The following ADGRV1 variants were observed in gnomAD, a reference collection of about 807,000 sequenced individuals.
The protein encoded by ADGRV1 is adhesion G protein-coupled receptor V1, also known as G-protein coupled receptor 98.
In ADGRV1, 359 loss-of-function variants were observed where a neutral mutation model predicts 596.2. The ratio of observed to expected loss-of-function variants is 0.60; its 90% CI spans 0.55 to 0.66. The LOEUF is 0.66. Ranked by LOEUF, ADGRV1 falls within the 30% of genes least tolerant of loss-of-function variation. The pLI, the probability that ADGRV1 is intolerant of heterozygous loss-of-function variation, is 0.00. For missense variants in ADGRV1, 7,274 were observed against 7,575.6 expected, an observed-to-expected ratio of 0.96 and a Z score of 1.48; for synonymous variants, 2,681 against 2,679.2, an observed-to-expected ratio of 1.00 and a Z score of -0.02.
chr5:90,729,870 A>AT lies in ADGRV1; in HGVS notation c.10549+119dup, dbSNP rs370142714. The AT allele has an allele frequency of 0.061, 55,195 of 908,146 alleles. 164 individuals carry two copies. Among genetic ancestry groups the AT allele is most frequent in the African/African-American group, 0.11 (6,127 of 56,388 alleles). 56.3% of individuals were successfully genotyped at this position (908,146 alleles called of 1,614,324 possible). Reference sequence around the variant, plus strand: ...AGTATCACATTGCCAGACACTGGGTATTTTTTTTTTTTTGGAGATGGGGTC... The same window carrying AT: ...AGTATCACATTGCCAGACACTGGGTATTTTTTTTTTTTTTGGAGATGGGGTC... On this transcript the variant is annotated intron_variant, in intron 50 of 89. Coordinates refer to ENST00000405460, the MANE Select transcript of ADGRV1 (RefSeq NM_032119.4).
chr5:90,615,640 T>C (rs1763270849), intron 2 of ADGRV1, among the ~76,000 whole-genome samples: 1 of 151,830 alleles, frequency 6.6e-6, no homozygotes, highest in Non-Finnish European at 1.5e-5. Context: ...TTTGCAAAAA[T>C]AAAATCTTAA....
intron 34 of ADGRV1, among the ~76,000 whole-genome samples, chr5:90,703,198 C>G (rs1370051660): frequency 1.3e-5 from 2 of 151,980 alleles, no homozygotes; most frequent in African/African-American, 4.8e-5. Context: ...TAAGTTACAA[C>G]TAAAGAAATG....
At chr5:90,638,129 A>G (rs1766474800) in intron 11 of ADGRV1, among the ~76,000 whole-genome samples, 181 bp downstream of exon 11, 1 of 152,000 alleles carries the variant, frequency 6.6e-6, no homozygotes, top group Admixed American at 6.6e-5. Flanking sequence ...GACTATGAGT[A>G]TAATTATATC....
At chr5:90,565,227 A>G (rs1344626133) in intron 1 of ADGRV1, among the ~76,000 whole-genome samples, 1 of 152,038 alleles carries the variant, frequency 6.6e-6, no homozygotes, top group Non-Finnish European at 1.5e-5. Flanking sequence ...ACAAGAGCAA[A>G]ACTCCATCTC....
chr5:91,155,197 TA>T (rs923693158), intron 89 of ADGRV1, among the ~76,000 whole-genome samples: 4 of 152,074 alleles, frequency 2.6e-5, no homozygotes, highest in African/African-American at 9.7e-5. Context: ...TGGAGAGAGT[TA>T]AAAAATGACA....
chr5:90,729,638 G>C lies in ADGRV1; in HGVS notation c.10427-4G>C. 6.3e-7 allele frequency: 1 copy of C among 1,595,632 alleles called. No individual in the cohort carries two copies. The highest frequency in any genetic ancestry group is 8.6e-7 in the Non-Finnish European group (1 of 1,166,696). ...AAGATTTGACTTCTATTTCATTATT[G>C]CAGGAGATCAGAATTCAATTGATAT... On this transcript the variant is annotated splice_region_variant and splice_polypyrimidine_tract_variant and intron_variant, in intron 49 of 89. Transcript: ENST00000405460.
chr5:90,849,454 G>T (rs1342430037), intron 79 of ADGRV1, among the ~76,000 whole-genome samples: 1 of 152,060 alleles, frequency 6.6e-6, no homozygotes, highest in East Asian at 1.9e-4. Flanking sequence ...CAATGGCGGG[G>T]TCTCGGCTCA....
rs759475613 is a variant in ADGRV1, at chr5:90,777,929, G to C, written c.12552G>C (p.Leu4184Phe). ...IISLVRGPGI[L>F]GEVTVFWRIF... ...GCCTTGTTCGAGGCCCAGGGATTTT[G>C]GGGGAGGTCACAGTGTTCTGGAGGA... The change falls in exon 62 of 90, where the codon TTG becomes TTC. Residue 4184 changes from leucine to phenylalanine, a missense_variant. Physicochemically the swap from Leu to Phe is conservative, Grantham distance 22 (BLOSUM62 0). Around this residue, in one of 5 missense-constraint regions of ADGRV1, gnomAD observed 3,643 missense variants for 3,809.2 expected, o/e 0.96. Transcript: ENST00000405460. 3.1e-6 allele frequency: 5 copies of C among 1,611,838 alleles called. No homozygotes were observed. Among genetic ancestry groups the C allele is most frequent in the Admixed American group, 1.7e-5 (1 of 59,882 alleles).
chr5:90,861,123 C>T (rs1227746835), intron 82 of ADGRV1, among the ~76,000 whole-genome samples: 2 of 151,482 alleles, frequency 1.3e-5, no homozygotes, highest in East Asian at 1.9e-4. Flanking sequence ...CTTTTAGAAC[C>T]GAATCTCTAA....
chr5:90,995,223 A>G (rs1453605410), intron 85 of ADGRV1, among the ~76,000 whole-genome samples: 5 of 152,228 alleles, frequency 3.3e-5, no homozygotes, highest in Non-Finnish European at 7.3e-5. Flanking sequence ...TTTAACAAGT[A>G]ACTTCCTGTC....
In ADGRV1 at chr5:90,807,681, C is replaced by G. The variant is rs772180727; in HGVS notation, c.14916C>G (p.Ala4972=). ...TTCCTAGCCCTGGTTGGCCAGAGGC[C>G]TTTGTTCTTCACCTATCAGGAGTGC... ...WTFPSPGWPE[A]FVLHLSGVQS... The change falls in exon 73 of 90, where the codon GCC becomes GCG. Residue 4972 remains alanine, a synonymous_variant. Coordinates refer to ENST00000405460, the MANE Select transcript of ADGRV1 (RefSeq NM_032119.4). 1.3e-5 allele frequency: 21 copies of G among 1,611,802 alleles called. No individual in the cohort carries two copies. In the South Asian group the frequency reaches 2.2e-4, roughly 17 times the overall value.
intron 85 of ADGRV1, among the ~76,000 whole-genome samples, chr5:91,042,407 A>G (rs1267113350): frequency 2.6e-5 from 4 of 152,200 alleles, no homozygotes; most frequent in African/African-American, 9.6e-5. Flanking sequence ...ACATAAGGAG[A>G]CATGCCTACC....
chr5:90,716,527 A>T lies in ADGRV1; in HGVS notation c.9245A>T (p.Glu3082Val). The change falls in exon 43 of 90, where the codon GAG (glutamate) becomes GTG (valine). Residue 3082 changes from glutamate to valine, a missense_variant. Glu to Val is a moderately radical substitution (Grantham distance 121, BLOSUM62 -2). Transcript: ENST00000405460. ...GGAGTTCTATCATTTAACAACAGTG[A>T]GCACTTTTTCCTAAGAGAGCCAACA... ...GPGVLSFNNS[E>V]HFFLREPTAL... is the part of the protein sequence containing the mutation. 1 of 1,612,254 alleles carries T rather than the reference A, an allele frequency of 6.2e-7. No homozygotes were observed. The highest frequency in any genetic ancestry group is 8.5e-7 in the Non-Finnish European group (1 of 1,178,868).
chr5:90,660,608 G>A (rs759522690), intron 21 of ADGRV1, among the ~76,000 whole-genome samples: 3 of 152,092 alleles, frequency 2.0e-5, no homozygotes, highest in Middle Eastern at 3.2e-3. Flanking sequence ...AGTGGCTCAC[G>A]CCTGTAATTC....
rs777120827 is a variant in ADGRV1 at position 90,728,702 on chromosome 5, C to T, written c.10195C>T (p.His3399Tyr). The change falls in exon 49 of 90, where the codon CAT (histidine) becomes TAT (tyrosine). Residue 3399 changes from histidine (H) to tyrosine (Y), a missense_variant. Physicochemically the swap from His to Tyr is moderately conservative, Grantham distance 83. Around this residue, in one of 5 missense-constraint regions of ADGRV1, gnomAD observed 3,643 missense variants for 3,809.2 expected, o/e 0.96. Transcript: ENST00000405460. ...GTGGAATGGAGGAAGCTTCGTGTTGCATCAAAAACTCCCTGTCCGAGGTGT... is the reference window on the plus strand; with the variant it reads ...GTGGAATGGAGGAAGCTTCGTGTTGTATCAAAAACTCCCTGTCCGAGGTGT... ...FRWNGGSFVL[H>Y]QKLPVRGVLT... 24 of 1,612,092 alleles carry T rather than the reference C, an allele frequency of 1.5e-5. No homozygotes were observed. Among genetic ancestry groups the T allele is most frequent in the South Asian group, 7.7e-5 (7 of 90,910 alleles).
rs1170022097 is a variant in ADGRV1, at chr5:90,690,844, G to A, written c.6754G>A (p.Val2252Met). The A allele has an allele frequency of 1.3e-5, 21 of 1,605,664 alleles. 2 individuals carry two copies. The Admixed American group carries it at 3.6e-4, about 28-fold the overall frequency. ...TGTAGAGGAACCTGAGTTTAACTCAGTGAAGGTAAACCTGCCAATAATTCG... is the reference window on the plus strand; with the variant it reads ...TGTAGAGGAACCTGAGTTTAACTCAATGAAGGTAAACCTGCCAATAATTCG... ...LIVEEPEFNS[V>M]KVNLPIIRNS... Residue 2252 changes from valine to methionine, a missense_variant, in exon 31 of 90, where the codon GTG (valine) becomes ATG (methionine). Physicochemically the swap from Val to Met is conservative, Grantham distance 21. Around this residue, in one of 5 missense-constraint regions of ADGRV1, gnomAD observed 3,643 missense variants for 3,809.2 expected, o/e 0.96. Transcript: ENST00000405460.
chr5:91,049,010 A>G (rs937792845), intron 85 of ADGRV1, among the ~76,000 whole-genome samples: 1 of 151,832 alleles, frequency 6.6e-6, no homozygotes, highest in South Asian at 2.1e-4. Context: ...ACCCAGGCCT[A>G]TTGGTGTGAC....
chr5:90,627,280 T>G lies in ADGRV1; in HGVS notation c.742T>G (p.Ser248Ala). The G allele has an allele frequency of 6.2e-7, 1 of 1,609,538 alleles. No individual in the cohort carries two copies. Among genetic ancestry groups the G allele is most frequent in the Non-Finnish European group, 8.5e-7 (1 of 1,176,986 alleles). The change falls in exon 7 of 90, where the codon TCT becomes GCT. Residue 248 changes from serine to alanine, a missense_variant. Physicochemically the swap from Ser to Ala is moderately conservative, Grantham distance 99. Transcript: ENST00000405460. ...AGAAGGAGGAGCTGAGATTAACACC[T>G]CTAGGAATTCCATTGAGATCATCAT... ...SVEGGAEINT[S>A]RNSIEIIIKK...
chr5:91,014,141 C>CACACACACACACACACACACACAT (rs1423958486), intron 85 of ADGRV1, among the ~76,000 whole-genome samples: 1 of 137,178 alleles, frequency 7.3e-6, no homozygotes. Context: ...AATTGCCACA[C>CACACACACACACACACACACACAT]ACACACACAC....
Sources: gnomAD v4.1 joint callset for allele counts (sites outside exome capture counted in the v4.1 genomes callset) on GRCh38, gnomAD v4.1.1 for gene constraint, gnomAD v4.1.1 regional missense constraint, MANE v1.5 for transcripts, NCBI Gene and HGNC (gene_info 2026-07-23, HGNC 2026-07-21) for gene names.